EXO1: variants seen among roughly 807,000 people sequenced by gnomAD.
EXO1 encodes exonuclease 1.
In EXO1, 69 loss-of-function variants were observed where a neutral mutation model predicts 84.5. That is an observed-to-expected ratio of 0.82 (90% CI 0.67 to 1.00). EXO1 has a LOEUF of 1.00. Ranked by LOEUF, EXO1 falls within the 50% of genes least tolerant of loss-of-function variation. The pLI is 0.00. For missense variants in EXO1, 1,045 were observed against 1,000.7 expected (o/e 1.04, Z -0.60); for synonymous variants, 373 against 366.1 (o/e 1.02, Z -0.21).
At chr1:241,882,825 TTA>T (rs1662852607) in intron 14 of EXO1, among the ~76,000 whole-genome samples, 1 of 152,198 alleles carries the variant, frequency 6.6e-6, no homozygotes, top group Non-Finnish European at 1.5e-5. Context: ...TACTCATTTT[TTA>T]TGAGAGTATA....
intron 13 of EXO1, among the ~76,000 whole-genome samples, chr1:241,880,004 C>CA (rs576461090): frequency 0.057 from 4,801 of 83,712 alleles, 124 homozygotes; most frequent in East Asian, 0.19. Context: ...AAGACTGTCT[C>CA]AAAAAAAAAA....
At chr1:241,858,999 T>A (rs182687542) in intron 8 of EXO1, among the ~76,000 whole-genome samples, 60 of 152,132 alleles carry the variant, frequency 3.9e-4, no homozygotes, top group African/African-American at 1.4e-3. Flanking sequence ...AAACTCGGAG[T>A]CTTTTGACTT....
chr1:241,888,302 A>G (rs184423762), intron 15 of EXO1, among the ~76,000 whole-genome samples: 5 of 152,328 alleles, frequency 3.3e-5, no homozygotes, highest in African/African-American at 9.6e-5. Context: ...AAAATTAATG[A>G]TTTGTACTGC....
intron 6 of EXO1, among the ~76,000 whole-genome samples, chr1:241,854,405 C>T (rs758318428): frequency 1.3e-5 from 2 of 151,990 alleles, no homozygotes; most frequent in Admixed American, 6.5e-5. Flanking sequence ...CCAAAGTGCT[C>T]GGATTACAGG....
At chr1:241,859,981 A>G (rs928427417) in intron 8 of EXO1, among the ~76,000 whole-genome samples, 1 of 152,120 alleles carries the variant, frequency 6.6e-6, no homozygotes, top group African/African-American at 2.4e-5. Context: ...TGGGAATAGG[A>G]CCACGTGCCT....
At chr1:241,886,244 A>C (rs1208539915) in intron 15 of EXO1, among the ~76,000 whole-genome samples, 1 of 152,238 alleles carries the variant, frequency 6.6e-6, no homozygotes, top group African/African-American at 2.4e-5. Context: ...CATTGAGTTT[A>C]TATGATGAAT....
At chr1:241,850,298 C>T in intron 3 of EXO1, 111 bp from the exon 4 acceptor site, 1 of 735,100 alleles carries the variant, frequency 1.4e-6, no homozygotes, top group South Asian at 1.7e-5. Context: ...AAAAAAACAA[C>T]AAACCAATTT....
intron 6 of EXO1, among the ~76,000 whole-genome samples, chr1:241,854,061 G>A (rs1174806958): frequency 6.6e-6 from 1 of 152,082 alleles, no homozygotes; most frequent in Non-Finnish European, 1.5e-5. Context: ...GTAAATCTTA[G>A]TGTCAAGGTG....
Position 241,865,294 on chromosome 1 carries a change from G to A in EXO1, c.1042-1536G>A, listed in dbSNP as rs4149937. Among the ~76,000 whole-genome samples the A allele has an allele frequency of 5.1e-3, 758 of 148,682 alleles. 2 individuals are homozygous for A. The highest frequency in any genetic ancestry group is 6.9e-3 in the Middle Eastern group (2 of 290). ...TGGCATGATTTTAGCTCACTGCAAC[G>A]TCTGCCTCCGAGTTTCAAGTGGTTC... is the stretch of plus-strand genomic sequence containing the variant. On this transcript the variant is annotated intron_variant, in intron 10 of 15. Coordinates refer to ENST00000366548, the MANE Select transcript of EXO1 (RefSeq NM_130398.4).
At chr1:241,856,377 T>C (rs1661038885) in intron 6 of EXO1, among the ~76,000 whole-genome samples, 1 of 151,934 alleles carries the variant, frequency 6.6e-6, no homozygotes, top group Admixed American at 6.6e-5. Flanking sequence ...ACAGCGGCTA[T>C]GATAGGGGCT....
chr1:241,875,162 C>A (rs1322587892), intron 12 of EXO1, among the ~76,000 whole-genome samples: 1 of 152,104 alleles, frequency 6.6e-6, no homozygotes, highest in African/African-American at 2.4e-5. Flanking sequence ...CGCCACCATG[C>A]CCAGCTAATT....
intron 3 of EXO1, among the ~76,000 whole-genome samples, chr1:241,849,930 ATTGT>A (rs1660560267): frequency 6.6e-6 from 1 of 152,230 alleles, no homozygotes; most frequent in Non-Finnish European, 1.5e-5. Context: ...CCCTATGGAA[ATTGT>A]TTGATAGGGA....
chr1:241,889,758 T>C lies in EXO1; in HGVS notation c.*158T>C. On this transcript the variant is annotated 3_prime_UTR_variant, in exon 16 of 16. Transcript: ENST00000366548. ...GTATATTAACTTTATAATTGGGTTG[T>C]GGTTTTTTTGCTCAGCTTTTTATAT... is the stretch of plus-strand genomic sequence containing the variant. 1.4e-6 allele frequency: 1 copy of C among 704,102 alleles called. No individual in the cohort carries two copies. Among genetic ancestry groups the C allele is most frequent in the Non-Finnish European group, 2.4e-6 (1 of 409,946 alleles). 43.6% of individuals were successfully genotyped at this position (704,102 alleles called of 1,614,324 possible). A position where few individuals can be genotyped will look rare whatever the true frequency, so the allele number is the denominator to read the frequency against.
In EXO1 at chr1:241,852,356, G is replaced by T. The variant is rs4149864; in HGVS notation, c.226G>T (p.Val76Leu). 1.3e-6 allele frequency: 2 copies of T among 1,585,750 alleles called. No individual in the cohort carries two copies. The highest frequency in any genetic ancestry group is 2.7e-5 in the African/African-American group (2 of 74,284). The change falls in exon 5 of 16, where the codon GTA becomes TTA. Residue 76 changes from valine (V) to leucine (L), a missense_variant. Coordinates refer to ENST00000366548, the MANE Select transcript of EXO1 (RefSeq NM_130398.4). Reference protein sequence around the residue: ...LLSHGIKPILVFDGCTLPSKK... With the variant: ...LLSHGIKPILLFDGCTLPSKK... ...ATCTCATGGGATCAAGCCTATTCTC[G>T]TATTTGATGGATGTACTTTACCTTC...
intron 8 of EXO1, 45 bp from the exon 9 acceptor site, chr1:241,860,472 C>A: frequency 1.5e-6 from 2 of 1,377,864 alleles, no homozygotes; most frequent in Non-Finnish European, 2.1e-6. Flanking sequence ...TAATATGTTC[C>A]CTGTTCTTTA....
At chr1:241,855,561 A>C (rs1207142079) in intron 6 of EXO1, among the ~76,000 whole-genome samples, 1 of 152,236 alleles carries the variant, frequency 6.6e-6, no homozygotes, top group African/African-American at 2.4e-5. Context: ...GCTGCCTGTC[A>C]GTCCTGCGCC....
Position 241,885,477 on chromosome 1 carries a change from A to G in EXO1, c.2375A>G (p.Asn792Ser), listed in dbSNP as rs1663011352. The G allele has an allele frequency of 1.2e-6, 2 of 1,613,642 alleles. No homozygotes were observed. Among genetic ancestry groups the G allele is most frequent in the South Asian group, 2.2e-5 (2 of 91,072 alleles). Residue 792 changes from asparagine to serine, a missense_variant, in exon 15 of 16, where the codon AAT becomes AGT. Asn to Ser is a conservative substitution (Grantham distance 46, BLOSUM62 1). Transcript: ENST00000366548. Reference protein sequence around the residue: ...ENKPGLQIKLNELWKNFGFKK... With the variant: ...ENKPGLQIKLSELWKNFGFKK... ...AAGCCGGGGTTACAGATCAAACTCA[A>G]TGAGCTCTGGAAAAACTTTGGATTT... is the stretch of plus-strand genomic sequence containing the variant.
At chr1:241,888,624 T>C (rs1663195126) in intron 15 of EXO1, among the ~76,000 whole-genome samples, 1 of 152,256 alleles carries the variant, frequency 6.6e-6, no homozygotes, top group Non-Finnish European at 1.5e-5. Flanking sequence ...GGTGCAACAG[T>C]ATTCTTAAAT....
At chr1:241,874,664 T>C (rs1324412054) in intron 12 of EXO1, among the ~76,000 whole-genome samples, 1 of 152,228 alleles carries the variant, frequency 6.6e-6, no homozygotes, top group Non-Finnish European at 1.5e-5. Flanking sequence ...CATTGTGAGA[T>C]GTGTGACTTG....
Sources: allele counts gnomAD v4.1 joint callset (sites outside exome capture counted in the v4.1 genomes callset), GRCh38; gene constraint gnomAD v4.1.1; transcripts MANE v1.5; gene names NCBI Gene and HGNC (gene_info 2026-07-23, HGNC 2026-07-21).